XRN1: variants seen among roughly 807,000 people sequenced by gnomAD.
The protein encoded by XRN1 is 5'-3' exoribonuclease 1.
Under a neutral mutation model 222.3 loss-of-function variants are expected in XRN1, and 67 were observed. The observed-to-expected ratio is 0.30, with a 90% confidence interval of 0.25 to 0.37. The LOEUF (loss-of-function observed/expected upper bound fraction) is 0.37. Ranked by LOEUF, XRN1 falls within the 10% of genes least tolerant of loss-of-function variation. The pLI is 1.00. For synonymous variants in XRN1, 643 were observed against 652.4 expected, an observed-to-expected ratio of 0.99 and a Z score of 0.22; for missense variants, 1,707 against 2,000.2, an observed-to-expected ratio of 0.85 and a Z score of 2.80.
chr3:142,323,074 C>T (rs1218986070), intron 37 of XRN1, among the ~76,000 whole-genome samples: 1 of 152,122 alleles, frequency 6.6e-6, no homozygotes, highest in Admixed American at 6.5e-5. Context: ...TCTGCCTCAG[C>T]CTCCTGAGTT....
intron 27 of XRN1, 31 bp downstream of exon 27, chr3:142,370,454 A>G: frequency 3.2e-6 from 5 of 1,581,040 alleles, no homozygotes; most frequent in South Asian, 2.4e-5. Flanking sequence ...TCCAAATCTC[A>G]TCAATAATCT....
chr3:142,353,081 C>T (rs2066358333), intron 32 of XRN1, among the ~76,000 whole-genome samples: 1 of 152,170 alleles, frequency 6.6e-6, no homozygotes, highest in Non-Finnish European at 1.5e-5. Flanking sequence ...TTAATCTCTA[C>T]CAAGGAATAC....
chr3:142,398,891 T>A (rs1356234286), intron 19 of XRN1, among the ~76,000 whole-genome samples: 1 of 151,898 alleles, frequency 6.6e-6, no homozygotes, highest in East Asian at 1.9e-4. Flanking sequence ...ACATAAAAAA[T>A]CAATTGTATT....
chr3:142,370,619 C>T lies in XRN1; in HGVS notation c.3070G>A (p.Ala1024Thr). The change falls in exon 27 of 41, where the codon GCT becomes ACT. Residue 1024 changes from alanine to threonine, a missense_variant and splice_region_variant. Around this residue, in one of 2 missense-constraint regions of XRN1, gnomAD observed 1,234 missense variants for 1,518.2 expected, o/e 0.81. Transcript: ENST00000392981. ...DIWPGENENG[A>T]EKVQEIITWL... ...GTAATAATTTCTTGAACTTTTTCAG[C>T]ACTAAAGCAAAAACAATAATTTTTA... 1 of 1,568,538 alleles carries T rather than the reference C, an allele frequency of 6.4e-7. No individual in the cohort carries two copies. Among genetic ancestry groups the T allele is most frequent in the Non-Finnish European group, 8.6e-7 (1 of 1,164,324 alleles).
chr3:142,359,949 G>A lies in XRN1; in HGVS notation c.3395-18C>T. On this transcript the variant is annotated intron_variant, in intron 29 of 40. Coordinates refer to ENST00000392981, the MANE Select transcript of XRN1 (RefSeq NM_001282857.2). ...TCTATTAGCTGTTACAATAGGGAGAGAAAAAGAGACACTAAAAAATCATAT... is the reference window on the plus strand; with the variant it reads ...TCTATTAGCTGTTACAATAGGGAGAAAAAAAGAGACACTAAAAAATCATAT... The A allele has an allele frequency of 6.5e-7, 1 of 1,537,880 alleles. No individual in the cohort carries two copies. The highest frequency in any genetic ancestry group is 2.3e-5 in the East Asian group (1 of 43,152).
intron 33 of XRN1, among the ~76,000 whole-genome samples, chr3:142,344,219 A>T (rs1231995904): frequency 1.3e-5 from 2 of 152,152 alleles, no homozygotes; most frequent in Non-Finnish European, 1.5e-5. Flanking sequence ...TTAAATAAAT[A>T]AGAGAACATA....
intron 20 of XRN1, among the ~76,000 whole-genome samples, chr3:142,393,564 A>G (rs2067816524): frequency 6.6e-6 from 1 of 151,430 alleles, no homozygotes; most frequent in African/African-American, 2.4e-5. Context: ...TTTTCCCAGC[A>G]CCATTTATTA....
chr3:142,403,561 G>T, intron 18 of XRN1, 113 bp downstream of exon 18: 1 of 890,598 alleles, frequency 1.1e-6, no homozygotes, highest in Non-Finnish European at 1.7e-6. Flanking sequence ...TCCTTATTTA[G>T]GCTCCAAATT....
intron 22 of XRN1, among the ~76,000 whole-genome samples, chr3:142,383,078 C>T (rs77206173): frequency 0.026 from 3,916 of 152,244 alleles, 169 homozygotes; most frequent in African/African-American, 0.09. Context: ...GAACACACCA[C>T]CTCTTGATCC....
intron 32 of XRN1, among the ~76,000 whole-genome samples, chr3:142,349,744 T>C (rs2066252726): frequency 6.6e-6 from 1 of 152,124 alleles, no homozygotes. Flanking sequence ...GCTCATCAGG[T>C]TAGGCTGCTT....
At chr3:142,431,748 C>T (rs1281547630) in intron 2 of XRN1, among the ~76,000 whole-genome samples, 2 of 134,332 alleles carry the variant, frequency 1.5e-5, no homozygotes, top group South Asian at 2.4e-4. Flanking sequence ...GCCTGGGAGG[C>T]GGAGGTTGTA....
At chr3:142,338,826 G>A (rs1380000025) in intron 33 of XRN1, among the ~76,000 whole-genome samples, 2 of 152,184 alleles carry the variant, frequency 1.3e-5, no homozygotes, top group East Asian at 1.9e-4. Flanking sequence ...CCCCATGGGC[G>A]TGTGGTTGGT....
intron 20 of XRN1, 113 bp downstream of exon 20, chr3:142,397,216 G>T: frequency 1.0e-6 from 1 of 988,674 alleles, no homozygotes; most frequent in Non-Finnish European, 1.4e-6. Flanking sequence ...ACAGGATGAA[G>T]GTGTAATTAG....
At chr3:142,351,165 C>T (rs1051397217) in intron 32 of XRN1, among the ~76,000 whole-genome samples, 1 of 152,184 alleles carries the variant, frequency 6.6e-6, no homozygotes, top group Admixed American at 6.5e-5. Flanking sequence ...ATCTATCTAT[C>T]TATCTATCTA....
intron 35 of XRN1, 138 bp from the exon 36 acceptor site, chr3:142,332,672 C>CT: frequency 1.2e-6 from 1 of 855,362 alleles, no homozygotes. Flanking sequence ...CAGATAGAAA[C>CT]TGAAAAAAAA....
Position 142,447,911 on chromosome 3 carries a change from C to G in XRN1, c.34G>C (p.Glu12Gln). ...ACTTCGCTGAGACAGGGATACCGCTCTGAGATCCATCTGTAAAACTTGGGG... is the reference window on the plus strand; with the variant it reads ...ACTTCGCTGAGACAGGGATACCGCTGTGAGATCCATCTGTAAAACTTGGGG... ...GVPKFYRWIS[E>Q]RYPCLSEVVK... is the part of the protein sequence containing the mutation. The change falls in exon 1 of 41, where the codon GAG becomes CAG. Residue 12 changes from glutamate (E) to glutamine (Q), a missense_variant. Physicochemically the swap from Glu to Gln is conservative, Grantham distance 29. Coordinates refer to ENST00000392981, the MANE Select transcript of XRN1 (RefSeq NM_001282857.2). The surrounding 1 kb of genome is among the most constrained non-coding windows in gnomAD (Gnocchi z 4.2). The G allele has an allele frequency of 1.2e-6, 2 of 1,614,066 alleles. No homozygotes were observed. Among genetic ancestry groups the G allele is most frequent in the Non-Finnish European group, 1.7e-6 (2 of 1,180,002 alleles).
chr3:142,417,327 T>G, intron 12 of XRN1, 98 bp from the exon 13 acceptor site: 1 of 927,032 alleles, frequency 1.1e-6, no homozygotes, highest in Non-Finnish European at 1.6e-6. Context: ...CCTCAGATGA[T>G]TTATTTAATC....
Position 142,403,931 on chromosome 3 carries a change from T to TG in XRN1, c.1941dup (p.Arg648GlnfsTer3), listed in dbSNP as rs1481935653. 1 of 1,612,076 alleles carries TG rather than the reference T, an allele frequency of 6.2e-7. No individual in the cohort carries two copies. The highest frequency in any genetic ancestry group is 8.5e-7 in the Non-Finnish European group (1 of 1,178,534). On this transcript the variant is annotated frameshift_variant, in exon 17 of 41. Coordinates refer to ENST00000392981, the MANE Select transcript of XRN1 (RefSeq NM_001282857.2). LOFTEE classifies it high-confidence loss of function. ...AAATATAATGCTTTCTGGTCAATTCTGGTTATTTTGTTTTTGTTTATGTCT... is the reference window on the plus strand; with the variant it reads ...AAATATAATGCTTTCTGGTCAATTCTGGGTTATTTTGTTTTTGTTTATGTCT...
At chr3:142,439,461 T>C (rs1331978915) in intron 1 of XRN1, among the ~76,000 whole-genome samples, 1 of 152,196 alleles carries the variant, frequency 6.6e-6, no homozygotes, top group African/African-American at 2.4e-5. Context: ...AAGAAGCCTA[T>C]GAATTATTCA....
Sources: allele counts gnomAD v4.1 joint callset (sites outside exome capture counted in the v4.1 genomes callset), GRCh38; gene constraint gnomAD v4.1.1; regional missense constraint gnomAD v4.1.1; non-coding constraint Gnocchi (gnomAD v3.1); transcripts MANE v1.5; gene names NCBI Gene and HGNC (gene_info 2026-07-23, HGNC 2026-07-21).